The following KDM4C variants were observed in gnomAD, a reference collection of about 807,000 sequenced individuals.
KDM4C encodes lysine-specific demethylase 4C.
KDM4C carries 81 observed loss-of-function variants against 129.3 expected under a neutral mutation model. The observed-to-expected ratio is 0.63, with a 90% CI of 0.52 to 0.75. The LOEUF is 0.75. Among genes scored for constraint, KDM4C ranks in the 30% least tolerant of loss-of-function variants. KDM4C has a pLI of 0.00. For synonymous variants in KDM4C, 573 were observed against 456.1 expected, an observed-to-expected ratio of 1.26 and a Z score of -3.26; for missense variants, 1,457 against 1,304.0, an observed-to-expected ratio of 1.12 and a Z score of -1.81.
chr9:6,954,286 C>T (rs190834807), intron 8 of KDM4C, among the ~76,000 whole-genome samples: 1 of 152,248 alleles, frequency 6.6e-6, no homozygotes, highest in East Asian at 1.9e-4. Context: ...CTGCTTAGTA[C>T]TCGGTCACGT....
At chr9:6,978,356 T>C (rs1051612995) in intron 8 of KDM4C, among the ~76,000 whole-genome samples, 4 of 145,604 alleles carry the variant, frequency 2.7e-5, no homozygotes, top group African/African-American at 9.8e-5. Context: ...GTAATCTTTT[T>C]ATATTATCTT....
rs769928367 is a variant in KDM4C, at chr9:7,169,812, T to C, written c.2916T>C (p.Asp972=). 1.4e-5 allele frequency: 23 copies of C among 1,604,090 alleles called. 1 individual carries two copies. The highest frequency in any genetic ancestry group is 2.0e-5 in the Non-Finnish European group (23 of 1,171,834). Residue 972 remains aspartate (D), a synonymous_variant, in exon 21 of 22, where the codon GAT becomes GAC. Transcript: ENST00000381309. ...IAHMYQVEFE[D]GSQIAMKRED... ...TCTTTCATTAGGTTGAGTTTGAAGATGGATCCCAGATAGCAATGAAGAGAG... is the reference window on the plus strand; with the variant it reads ...TCTTTCATTAGGTTGAGTTTGAAGACGGATCCCAGATAGCAATGAAGAGAG...
At position 6,926,236 on chromosome 9, in the gene KDM4C, A is replaced by G. The variant is rs1269726437; in HGVS notation, c.921+33004A>G. On this transcript the variant is annotated intron_variant, in intron 8 of 21. Transcript: ENST00000381309. ...CCTGAGGCTGTAGGACTCAACTGTG[A>G]GAGGCAGTTGTGAAGGAGGAAAAAT... is the stretch of plus-strand genomic sequence containing the variant. Among the ~76,000 whole-genome samples, 10 of 151,500 alleles carry G rather than the reference A, an allele frequency of 6.6e-5. No homozygotes were observed. In the East Asian group the frequency reaches 1.9e-3, roughly 29 times the overall value.
intron 17 of KDM4C, among the ~76,000 whole-genome samples, chr9:7,088,172 C>T (rs1207255853): frequency 4.6e-5 from 7 of 152,186 alleles, no homozygotes; most frequent in African/African-American, 1.4e-4. Flanking sequence ...TTGCTTCTTC[C>T]TCCAGGCCTG....
chr9:6,995,674 T>A (rs949155564), intron 12 of KDM4C, among the ~76,000 whole-genome samples: 9 of 152,110 alleles, frequency 5.9e-5, no homozygotes, highest in African/African-American at 1.7e-4. Context: ...TTGCAGGTTT[T>A]AAATTTTTTT....
intron 6 of KDM4C, among the ~76,000 whole-genome samples, chr9:6,883,952 C>T (rs1195643113): frequency 1.3e-5 from 2 of 152,174 alleles, no homozygotes; most frequent in African/African-American, 4.8e-5. Flanking sequence ...ATGACACACA[C>T]ACCAGTTAAA....
intron 3 of KDM4C, among the ~76,000 whole-genome samples, chr9:6,814,140 T>C (rs1045146705): frequency 6.6e-6 from 1 of 152,160 alleles, no homozygotes; most frequent in Non-Finnish European, 1.5e-5. Context: ...ACTCTAGTTG[T>C]CTAAGAGGTG....
intron 17 of KDM4C, among the ~76,000 whole-genome samples, chr9:7,064,020 G>A (rs1014823243): frequency 2.6e-5 from 4 of 152,218 alleles, no homozygotes; most frequent in African/African-American, 7.2e-5. Context: ...CGCTTGGAAT[G>A]TGTCAGTGTT....
upstream of KDM4C, among the ~76,000 whole-genome samples, chr9:6,753,402 G>C (rs1818138587): frequency 6.6e-6 from 1 of 152,058 alleles, no homozygotes; most frequent in African/African-American, 2.4e-5. Context: ...CTATTTTGTG[G>C]TGCTATAATA....
At chr9:7,085,619 A>G (rs7021973) in intron 17 of KDM4C, among the ~76,000 whole-genome samples, 14,654 of 152,100 alleles carry the variant, frequency 0.096, 874 homozygotes, top group East Asian at 0.19. Context: ...GTTTAGGTTT[A>G]TGGTTCCTGC....
At chr9:6,967,198 C>T (rs956608934) in intron 8 of KDM4C, among the ~76,000 whole-genome samples, 1 of 151,890 alleles carries the variant, frequency 6.6e-6, no homozygotes, top group Non-Finnish European at 1.5e-5. Context: ...CCAAGGCAGG[C>T]GGATCACTTG....
chr9:7,045,472 A>G (rs978343356), intron 15 of KDM4C, among the ~76,000 whole-genome samples: 2 of 152,058 alleles, frequency 1.3e-5, no homozygotes, highest in African/African-American at 4.8e-5. Context: ...CTGGAAAAAT[A>G]CCTAAAATTG....
intron 17 of KDM4C, among the ~76,000 whole-genome samples, chr9:7,098,090 G>C (rs1466027321): frequency 6.6e-6 from 1 of 152,208 alleles, no homozygotes; most frequent in East Asian, 1.9e-4. Context: ...CAAATCATTT[G>C]TTAATTTGTC....
rs544913424 is a variant in KDM4C at position 6,791,624 on chromosome 9, A to T, written c.-17-1348A>T. ...AAACTAACGATTTTTAACATTCTCTACTCAGCCTAGACTAGGCCTTTGTAC... is the reference window on the plus strand; with the variant it reads ...AAACTAACGATTTTTAACATTCTCTTCTCAGCCTAGACTAGGCCTTTGTAC... On this transcript the variant is annotated intron_variant, in intron 1 of 21. Coordinates refer to ENST00000381309, the MANE Select transcript of KDM4C (RefSeq NM_015061.6). Among the ~76,000 whole-genome samples the T allele has an allele frequency of 2.0e-5, 3 of 152,246 alleles. 1 individual carries two copies. Among genetic ancestry groups the T allele is most frequent in the South Asian group, 4.1e-4 (2 of 4,820 alleles).
intron 1 of KDM4C, among the ~76,000 whole-genome samples, chr9:6,749,698 G>A (rs1023629460): frequency 6.6e-6 from 1 of 151,740 alleles, no homozygotes; most frequent in African/African-American, 2.4e-5. Context: ...TTAAAAAAAG[G>A]TAACCTGGCT....
At chr9:6,970,359 C>G (rs909498344) in intron 8 of KDM4C, among the ~76,000 whole-genome samples, 1 of 152,192 alleles carries the variant, frequency 6.6e-6, no homozygotes, top group African/African-American at 2.4e-5. Flanking sequence ...ACCTTGGTCA[C>G]TGTAATTGTA....
At chr9:6,801,323 G>C (rs1828922623) in intron 2 of KDM4C, among the ~76,000 whole-genome samples, 1 of 130,868 alleles carries the variant, frequency 7.6e-6, no homozygotes. Flanking sequence ...CGTGATCTTG[G>C]CTCACTGCAA....
At chr9:6,940,725 A>G (rs748296710) in intron 8 of KDM4C, among the ~76,000 whole-genome samples, 1 of 152,222 alleles carries the variant, frequency 6.6e-6, no homozygotes, top group Non-Finnish European at 1.5e-5. Context: ...TTTTTACAGC[A>G]CGTAAGTATC....
At chr9:7,099,550 C>T (rs1235615246) in intron 17 of KDM4C, among the ~76,000 whole-genome samples, 2 of 152,246 alleles carry the variant, frequency 1.3e-5, no homozygotes, top group Non-Finnish European at 2.9e-5. Context: ...CATTGCACTT[C>T]CTTAACTCCC....
Sources: gnomAD v4.1 joint callset for allele counts (sites outside exome capture counted in the v4.1 genomes callset) on GRCh38, gnomAD v4.1.1 for gene constraint, MANE v1.5 for transcripts, NCBI Gene and HGNC (gene_info 2026-07-23, HGNC 2026-07-21) for gene names.